The following ZNF721 variants were observed in gnomAD, a reference collection of about 807,000 sequenced individuals.
The protein encoded by ZNF721 is zinc finger protein 721.
A neutral mutation model predicts 2.4 loss-of-function variants in ZNF721; 2 were observed. That is an observed-to-expected ratio of 0.82 (90% CI 0.34 to 2.58). ZNF721 has a LOEUF of 2.58. Ranked by LOEUF, ZNF721 falls within the 30% of genes most tolerant of loss-of-function variation. ZNF721 has a pLI of 0.11. For synonymous variants in ZNF721, 398 were observed against 381.8 expected (o/e 1.04, Z -0.50); for missense variants, 1,187 against 1,085.5 (o/e 1.09, Z -1.31).
chr4:440,642 G>A lies in ZNF721; in HGVS notation c.*1053C>T, dbSNP rs1047163712. ...TACTGCACCTACAAATTATATTCTAGTAAAAATTCTCTGGTGTTTCTTTTC... is the reference window on the plus strand; with the variant it reads ...TACTGCACCTACAAATTATATTCTAATAAAAATTCTCTGGTGTTTCTTTTC... On this transcript the variant is annotated 3_prime_UTR_variant, in exon 3 of 3. Transcript: ENST00000511833. 1.3e-5 allele frequency: 2 copies of A among 152,078 alleles called. No individual in the cohort carries two copies. The highest frequency in any genetic ancestry group is 2.9e-5 in the Non-Finnish European group (2 of 68,010). The allele number at this position is 152,078 out of a possible 1,614,324, so 9.4% of individuals were successfully genotyped here. A position where few individuals can be genotyped will look rare whatever the true frequency, so the allele number is the denominator to read the frequency against.
At chr4:492,993 TAATGA>T (rs1412090602) in intron 1 of ZNF721, among the ~76,000 whole-genome samples, 1 of 151,972 alleles carries the variant, frequency 6.6e-6, no homozygotes, top group Non-Finnish European at 1.5e-5. Context: ...AATACCCAAA[TAATGA>T]AATATCTATT....
intron 2 of ZNF721, among the ~76,000 whole-genome samples, chr4:462,009 C>T (rs1003689820): frequency 6.6e-5 from 10 of 152,126 alleles, no homozygotes; most frequent in Non-Finnish European, 1.3e-4. Flanking sequence ...TTAGAAAACC[C>T]AATCGTCTCA....
In ZNF721 at chr4:443,154, A is replaced by T. The variant is rs782283961; in HGVS notation, c.1313T>A (p.Ile438Asn). 1.1e-5 allele frequency: 18 copies of T among 1,613,288 alleles called. 1 individual carries two copies. In the South Asian group the frequency reaches 1.9e-4, roughly 17 times the overall value. The change falls in exon 3 of 3, where the codon ATT becomes AAT. Residue 438 changes from isoleucine to asparagine, a missense_variant. Transcript: ENST00000511833. ...LSTNLNEYKKIHTGDKPYKCK... is the reference protein window; with the variant it reads ...LSTNLNEYKKNHTGDKPYKCK... ...TTTGTAGGGTTTATCTCCAGTATGA[A>T]TTTTCTTATATTCATTCAGGTTTGT...
At chr4:495,548 C>G (rs1484719114) in intron 1 of ZNF721, among the ~76,000 whole-genome samples, 3 of 150,256 alleles carry the variant, frequency 2.0e-5, no homozygotes, top group African/African-American at 7.4e-5. Context: ...ATCTCAGGTG[C>G]AGACAGAGAA....
intron 1 of ZNF721, among the ~76,000 whole-genome samples, chr4:481,219 G>A (rs181024018): frequency 3.3e-5 from 5 of 152,152 alleles, no homozygotes; most frequent in South Asian, 2.1e-4. Context: ...ACCACACCCA[G>A]AGGCATTTTA....
At chr4:450,185 T>C (rs1307124538) in intron 2 of ZNF721, among the ~76,000 whole-genome samples, 1 of 149,696 alleles carries the variant, frequency 6.7e-6, no homozygotes, top group Non-Finnish European at 1.5e-5. Context: ...TCATTGTAGC[T>C]AAACAAAATC....
At chr4:447,442 G>A (rs1326720954) in intron 2 of ZNF721, among the ~76,000 whole-genome samples, 1 of 151,914 alleles carries the variant, frequency 6.6e-6, no homozygotes, top group Non-Finnish European at 1.5e-5. Context: ...AAGTAAAGGT[G>A]TATCAGTACA....
chr4:464,883 T>G (rs1217024521), intron 2 of ZNF721, among the ~76,000 whole-genome samples: 10 of 150,050 alleles, frequency 6.7e-5, no homozygotes, highest in Non-Finnish European at 7.4e-5. Context: ...ATCGAAACCA[T>G]CATGGCTAAC....
intron 1 of ZNF721, among the ~76,000 whole-genome samples, chr4:485,750 C>A (rs1186653222): frequency 5.3e-5 from 8 of 152,030 alleles, no homozygotes; most frequent in Non-Finnish European, 1.0e-4. Context: ...CCGAGGCGGG[C>A]GGATCATGAG....
chr4:474,940 G>C (rs531971518), intron 1 of ZNF721, among the ~76,000 whole-genome samples: 7 of 150,990 alleles, frequency 4.6e-5, no homozygotes, highest in Non-Finnish European at 7.4e-5. Flanking sequence ...TGTAATCCTA[G>C]CACTTTGGGA....
intron 1 of ZNF721, among the ~76,000 whole-genome samples, chr4:481,926 A>G (rs2120092): frequency 0.96 from 146,129 of 152,294 alleles, 70,371 homozygotes; most frequent in East Asian, 1. Flanking sequence ...TAATATAAAC[A>G]GAACTTAAAA....
In ZNF721 at chr4:442,463, A is replaced by T. The variant is rs1392916106; in HGVS notation, c.2004T>A (p.Ser668Arg). Reference sequence around the variant, plus strand: ...CTTTGCCACACTCTTCACATTTGTAACTTTGCTCTCCAGTAAGAATTTTCG... The same window carrying T: ...CTTTGCCACACTCTTCACATTTGTATCTTTGCTCTCCAGTAAGAATTTTCG... ...QHTKILTGEQ[S>R]YKCEECGKAF... Residue 668 changes from serine to arginine, a missense_variant, in exon 3 of 3, where the codon AGT (serine) becomes AGA (arginine). Ser to Arg is a moderately radical substitution (Grantham distance 110). Coordinates refer to ENST00000511833, the MANE Select transcript of ZNF721 (RefSeq NM_133474.4). 9 of 1,613,158 alleles carry T rather than the reference A, an allele frequency of 5.6e-6. No homozygotes were observed. The highest frequency in any genetic ancestry group is 6.8e-6 in the Non-Finnish European group (8 of 1,179,706).
intron 2 of ZNF721, among the ~76,000 whole-genome samples, chr4:449,414 C>A (rs992330762): frequency 2.6e-5 from 4 of 151,964 alleles, no homozygotes. Flanking sequence ...TAAAACTAGG[C>A]TCCTACCTCT....
rs1421318513 is a variant in ZNF721, at chr4:443,620, C to A, written c.847G>T (p.Gly283Cys). 2 of 1,613,740 alleles carry A rather than the reference C, an allele frequency of 1.2e-6. No individual in the cohort carries two copies. Among genetic ancestry groups the A allele is most frequent in the Non-Finnish European group, 1.7e-6 (2 of 1,179,910 alleles). The change falls in exon 3 of 3, where the codon GGT becomes TGT. Residue 283 changes from glycine (G) to cysteine (C), a missense_variant. Transcript: ENST00000511833. ...GTTGTGGAAATATTAAAGGCTTTAC[C>A]ACATTCTAAACATTTAAAGGGTTTC... The part of the protein sequence containing the change: ...GEKPFKCLEC[G>C]KAFNISTTLT...
Position 442,303 on chromosome 4 carries a change from C to T in ZNF721, c.2164G>A (p.Glu722Lys). The T allele has an allele frequency of 6.2e-7, 1 of 1,613,358 alleles. No individual in the cohort carries two copies. Among genetic ancestry groups the T allele is most frequent in the Non-Finnish European group, 8.5e-7 (1 of 1,179,470 alleles). Residue 722 changes from glutamate (E) to lysine (K), a missense_variant, in exon 3 of 3, where the codon GAG (glutamate) becomes AAG (lysine). By Grantham distance (56) the Glu-to-Lys change is moderately conservative. Transcript: ENST00000511833. ...LTTHRRVHTR[E>K]KPYKCEDRGR... Reference sequence around the variant, plus strand: ...CGATCTTCACATTTGTAGGGTTTCTCCCTAGTGTGAACTCTCCTATGTGTA... The same window carrying T: ...CGATCTTCACATTTGTAGGGTTTCTTCCTAGTGTGAACTCTCCTATGTGTA...
rs782296422 is a variant in ZNF721 at position 442,427 on chromosome 4, C to T, written c.2040G>A (p.Trp680Ter). 6.2e-7 allele frequency: 1 copy of T among 1,613,698 alleles called. No individual in the cohort carries two copies. The highest frequency in any genetic ancestry group is 1.7e-5 in the Admixed American group (1 of 59,992). Residue 680 changes from tryptophan to a stop codon, truncating the protein, a stop_gained, in exon 3 of 3, where the codon TGG becomes TGA. Transcript: ENST00000511833. LOFTEE classifies it low-confidence loss of function (END_TRUNC). Reference sequence around the variant, plus strand: ...TCTTGTGTTGATTCAGGGCTATGGACCATCCAAAGGCTTTGCCACACTCTT... The same window carrying T: ...TCTTGTGTTGATTCAGGGCTATGGATCATCCAAAGGCTTTGCCACACTCTT... ...KCEECGKAFG[W>*]SIALNQHKKI...
At chr4:486,103 A>T (rs1715888698) in intron 1 of ZNF721, among the ~76,000 whole-genome samples, 2 of 152,142 alleles carry the variant, frequency 1.3e-5, no homozygotes, top group Admixed American at 1.3e-4. Flanking sequence ...TCCAAGGGTA[A>T]GAAGCATTGA....
At chr4:456,258 CAG>C (rs1714846076) in intron 2 of ZNF721, among the ~76,000 whole-genome samples, 2 of 152,008 alleles carry the variant, frequency 1.3e-5, no homozygotes, top group African/African-American at 4.8e-5. Flanking sequence ...TTAGTGGAGA[CAG>C]GGTTTCTCCA....
chr4:477,291 C>T (rs903493868), intron 1 of ZNF721, among the ~76,000 whole-genome samples: 4 of 125,272 alleles, frequency 3.2e-5, no homozygotes, highest in Non-Finnish European at 6.3e-5. Context: ...GACAGAGTCT[C>T]GTCTCACTCT....
Sources: allele counts gnomAD v4.1 joint callset (sites outside exome capture counted in the v4.1 genomes callset), GRCh38; gene constraint gnomAD v4.1.1; transcripts MANE v1.5; gene names NCBI Gene and HGNC (gene_info 2026-07-23, HGNC 2026-07-21).